Variants in ZSCAN25 observed in about 807,000 individuals in gnomAD.
The protein encoded by ZSCAN25 is zinc finger and SCAN domain containing 25, also known as zinc finger and SCAN domain-containing protein 25.
Under a neutral mutation model 38.7 loss-of-function variants are expected in ZSCAN25, and 27 were observed. That is an observed-to-expected ratio of 0.70 (90% CI 0.51 to 0.96). The LOEUF (loss-of-function observed/expected upper bound fraction) is 0.96. ZSCAN25 is among the 40% of genes least tolerant of loss of function. The pLI is 0.00. For missense variants in ZSCAN25, 637 were observed against 705.9 expected, an observed-to-expected ratio of 0.90 and a Z score of 1.11; for synonymous variants, 273 against 277.7, an observed-to-expected ratio of 0.98 and a Z score of 0.17.
At chr7:99,737,926 A>T in the ZSCAN25 span, among the ~76,000 whole-genome samples, 17 of 152,354 alleles carry the variant, frequency 1.1e-4, no homozygotes, top group Middle Eastern at 6.8e-3. Context: ...GCCTACTGAG[A>T]GCTGCACTGA....
chr7:99,646,896 TTATC>T, the ZSCAN25 span, among the ~76,000 whole-genome samples: 4,707 of 151,766 alleles, frequency 0.031, 244 homozygotes, highest in African/African-American at 0.1. Context: ...CAACTATCTA[TTATC>T]TATCTATCAT....
chr7:99,717,430 A>C, the ZSCAN25 span: 1 of 1,584,860 alleles, frequency 6.3e-7, no homozygotes, highest in Non-Finnish European at 8.6e-7. Context: ...AATTCAGCAG[A>C]CTACTCCTCG....
At chr7:99,664,171 TACC>T in the ZSCAN25 span, 2 of 1,173,694 alleles carry the variant, frequency 1.7e-6, no homozygotes, top group East Asian at 4.8e-5. Context: ...TAATTTTCTC[TACC>T]AGTAATAAGA....
chr7:99,703,548 A>T, the ZSCAN25 span, among the ~76,000 whole-genome samples: 1 of 152,286 alleles, frequency 6.6e-6, no homozygotes, highest in East Asian at 1.9e-4. Context: ...TCTATCACCT[A>T]TCTACCCATC....
chr7:99,665,877 T>C, the ZSCAN25 span, among the ~76,000 whole-genome samples: 1 of 152,210 alleles, frequency 6.6e-6, no homozygotes, highest in Non-Finnish European at 1.5e-5. Context: ...GAAGTTGCGC[T>C]GAGAGCAGAG....
chr7:99,689,101 A>G, the ZSCAN25 span, among the ~76,000 whole-genome samples: 1 of 152,218 alleles, frequency 6.6e-6, no homozygotes, highest in Non-Finnish European at 1.5e-5. Context: ...CATCACAATT[A>G]AAAGAACTAG....
At chr7:99,660,753 AG>A in the ZSCAN25 span, 2 of 1,461,450 alleles carry the variant, frequency 1.4e-6, no homozygotes, top group South Asian at 1.2e-5. Flanking sequence ...AATCCCAAGA[AG>A]AAAAAATGGA....
chr7:99,698,790 T>C, the ZSCAN25 span, among the ~76,000 whole-genome samples: 1 of 152,116 alleles, frequency 6.6e-6, no homozygotes, highest in Non-Finnish European at 1.5e-5. Flanking sequence ...AAATATTCCA[T>C]CTCCAAAAAA....
chr7:99,672,464 C>A, the ZSCAN25 span: 5 of 856,264 alleles, frequency 5.8e-6, no homozygotes, highest in South Asian at 7.6e-5. Context: ...ATGAAGAGTA[C>A]ATGGAACCTT....
chr7:99,699,851 G>A, the ZSCAN25 span: 24 of 708,844 alleles, frequency 3.4e-5, no homozygotes, highest in Non-Finnish European at 6.2e-5. Flanking sequence ...CATCCAAGAA[G>A]CTACTCCTCC....
At chr7:99,683,882 G>C in the ZSCAN25 span, among the ~76,000 whole-genome samples, 2 of 152,070 alleles carry the variant, frequency 1.3e-5, no homozygotes, top group South Asian at 4.1e-4. Flanking sequence ...ATGACTTTAG[G>C]ATAAGTTACT....
chr7:99,709,222 G>C, the ZSCAN25 span: 1 of 1,613,882 alleles, frequency 6.2e-7, no homozygotes, highest in African/African-American at 1.3e-5. Context: ...ACCATGTCAA[G>C]ATACTCCAAC....
chr7:99,651,253 A>AAT, the ZSCAN25 span, among the ~76,000 whole-genome samples: 4 of 152,068 alleles, frequency 2.6e-5, no homozygotes, highest in African/African-American at 4.8e-5. Context: ...AACATTCTCT[A>AAT]ATATATATAT....
chr7:99,678,908 T>C, the ZSCAN25 span, among the ~76,000 whole-genome samples: 1 of 152,158 alleles, frequency 6.6e-6, no homozygotes. Flanking sequence ...GTAACTCTTC[T>C]CTCCACCTGC....
chr7:99,691,186 C>G, the ZSCAN25 span, among the ~76,000 whole-genome samples: 13 of 151,708 alleles, frequency 8.6e-5, no homozygotes, highest in South Asian at 2.1e-4. Context: ...AGCAAACTAT[C>G]GCAAGGACAA....
the ZSCAN25 span, among the ~76,000 whole-genome samples, chr7:99,731,634 G>A: frequency 2.0e-5 from 3 of 152,150 alleles, no homozygotes; most frequent in African/African-American, 7.2e-5. Context: ...AGCCTATGGT[G>A]ACCCTGTCTT....
chr7:99,725,235 AG>A, the ZSCAN25 span, among the ~76,000 whole-genome samples: 1 of 152,176 alleles, frequency 6.6e-6, no homozygotes, highest in Non-Finnish European at 1.5e-5. Flanking sequence ...CTGGACCCAG[AG>A]GGGCCAGAAG....
downstream of ZSCAN25, among the ~76,000 whole-genome samples, chr7:99,635,419 C>T (rs1433694083): frequency 6.6e-6 from 1 of 152,056 alleles, no homozygotes; most frequent in Non-Finnish European, 1.5e-5. Flanking sequence ...TTTTTTTCTG[C>T]AGGCTATAAT....
At chr7:99,710,711 C>T in the ZSCAN25 span, 1 of 1,613,736 alleles carries the variant, frequency 6.2e-7, no homozygotes, top group Non-Finnish European at 8.5e-7. Flanking sequence ...CTCCCTCCTT[C>T]TCCATGTACT....
Sources: allele counts gnomAD v4.1 joint callset (sites outside exome capture counted in the v4.1 genomes callset), GRCh38; gene constraint gnomAD v4.1.1; transcripts MANE v1.5; gene names NCBI Gene and HGNC (gene_info 2026-07-23, HGNC 2026-07-21).